Variants in ATP2B2 observed in about 807,000 individuals in gnomAD.
ATP2B2 encodes plasma membrane calcium-transporting ATPase 2.
ATP2B2 carries 15 observed loss-of-function variants against 120.0 expected under a neutral mutation model. The ratio of observed to expected loss-of-function variants is 0.12; its 90% CI spans 0.08 to 0.19. ATP2B2 has a LOEUF of 0.19. Ranked by LOEUF, ATP2B2 falls within the 10% of genes least tolerant of loss-of-function variation. The pLI is 1.00. For synonymous variants in ATP2B2, 694 were observed against 700.3 expected (o/e 0.99, Z 0.14); for missense variants, 1,045 against 1,719.8 (o/e 0.61, Z 6.94).
intron 2 of ATP2B2, among the ~76,000 whole-genome samples, chr3:10,560,806 G>T (rs770754938): frequency 2.0e-5 from 3 of 152,096 alleles, no homozygotes; most frequent in African/African-American, 4.8e-5. Flanking sequence ...CGGCCCTCCT[G>T]CAGTTAGATG....
chr3:10,605,938 C>A (rs75994816), intron 2 of ATP2B2, among the ~76,000 whole-genome samples: 1 of 152,016 alleles, frequency 6.6e-6, no homozygotes, highest in South Asian at 2.1e-4. Context: ...CGTGAGCCAC[C>A]ATGCCCAGCC....
At chr3:10,543,939 A>G (rs1051535692) in intron 2 of ATP2B2, among the ~76,000 whole-genome samples, 5 of 152,138 alleles carry the variant, frequency 3.3e-5, no homozygotes, top group Non-Finnish European at 7.4e-5. Flanking sequence ...GGGTTTCACC[A>G]CGTTGGCCAG....
chr3:10,504,907 C>G (rs1289404202), intron 1 of ATP2B2, among the ~76,000 whole-genome samples: 2 of 152,158 alleles, frequency 1.3e-5, no homozygotes. Context: ...CACCACATGA[C>G]CCGGCTGGCC....
At chr3:10,703,684 G>A (rs1187087063) in intron 1 of ATP2B2, among the ~76,000 whole-genome samples, 1 of 152,182 alleles carries the variant, frequency 6.6e-6, no homozygotes, top group Non-Finnish European at 1.5e-5. Flanking sequence ...TCTGTCAAAT[G>A]GGGATTGTAA....
intron 1 of ATP2B2, among the ~76,000 whole-genome samples, chr3:10,643,249 G>A (rs1277102654): frequency 2.6e-5 from 4 of 152,188 alleles, no homozygotes; most frequent in Non-Finnish European, 1.5e-5. Context: ...TCACATAGAA[G>A]AGTGGATGCA....
chr3:10,433,123 C>T lies in ATP2B2; in HGVS notation c.199+16222G>A, dbSNP rs142936298. 3.2e-4 allele frequency among the ~76,000 whole-genome samples: 48 copies of T among 152,366 alleles called. No individual in the cohort carries two copies. The East Asian group carries it at 8.9e-3, about 28-fold the overall frequency. Reference sequence around the variant, plus strand: ...TGTCTCCCCACCAGATGTGCTCCAGCTGCCTCTCTCAAGTGGACGGGAAAC... The same window carrying T: ...TGTCTCCCCACCAGATGTGCTCCAGTTGCCTCTCTCAAGTGGACGGGAAAC... On this transcript the variant is annotated intron_variant, in intron 2 of 22. Coordinates refer to ENST00000360273, the MANE Select transcript of ATP2B2 (RefSeq NM_001001331.4).
At position 10,603,281 on chromosome 3, in the gene ATP2B2, T is replaced by C. The variant is rs141219087; in HGVS notation, c.-415+16636A>G. On this transcript the variant is annotated intron_variant, in intron 2 of 21. Coordinates refer to the ATP2B2 transcript ENST00000646379. ...CTAAAATGCCTAGCACGGTGCCCGG[T>C]GTGTTTGGCAGATGCTCGATACACG... 5.7e-3 allele frequency among the ~76,000 whole-genome samples: 871 copies of C among 152,324 alleles called. 8 individuals carry two copies. The highest frequency in any genetic ancestry group is 0.02 in the African/African-American group (817 of 41,560).
At chr3:10,475,384 C>T (rs549295008) in intron 1 of ATP2B2, among the ~76,000 whole-genome samples, 2 of 152,214 alleles carry the variant, frequency 1.3e-5, no homozygotes, top group African/African-American at 4.8e-5. Context: ...TTACCACCTG[C>T]AGGCTCCTGC....
rs1169774997 is a variant in ATP2B2 at position 10,505,467 on chromosome 3, G to A, written c.-322C>T. The A allele has an allele frequency of 6.6e-6, 1 of 151,580 alleles. No homozygotes were observed. The highest frequency in any genetic ancestry group is 6.6e-5 in the Admixed American group (1 of 15,220). The allele number at this position is 151,580 out of a possible 1,614,324, so 9.4% of individuals were successfully genotyped here. On this transcript the variant is annotated splice_region_variant and 5_prime_UTR_variant, in exon 1 of 23. Coordinates refer to ENST00000360273, the MANE Select transcript of ATP2B2 (RefSeq NM_001001331.4). Reference sequence around the variant, plus strand: ...TGCTGGGGGATGCCGGTACTTACTTGGCTATGAAAATCACCACCAATCCTG... The same window carrying A: ...TGCTGGGGGATGCCGGTACTTACTTAGCTATGAAAATCACCACCAATCCTG...
At chr3:10,538,461 G>A (rs1353499364) in intron 2 of ATP2B2, among the ~76,000 whole-genome samples, 2 of 152,092 alleles carry the variant, frequency 1.3e-5, no homozygotes, top group Admixed American at 6.5e-5. Flanking sequence ...GATGAACATC[G>A]ATGCAAAAAC....
At position 10,449,501 on chromosome 3, in the gene ATP2B2, T is replaced by C. The variant is rs2125180555; in HGVS notation, c.43A>G (p.Arg15Gly). The C allele has an allele frequency of 6.2e-7, 1 of 1,614,262 alleles. No individual in the cohort carries two copies. The highest frequency in any genetic ancestry group is 2.2e-5 in the East Asian group (1 of 44,880). Residue 15 changes from arginine to glycine, a missense_variant, in exon 2 of 23, where the codon AGA (arginine) becomes GGA (glycine). Coordinates refer to ENST00000360273, the MANE Select transcript of ATP2B2 (RefSeq NM_001001331.4). The stretch of plus-strand genomic sequence containing the variant: ...TCGCCCCCATGGCTCGACTCATTTC[T>C]TTGGTTTTTGGAGTAAAAGTCGCTG... ...TNSDFYSKNQ[R>G]NESSHGGEFG...
chr3:10,478,361 G>T (rs1447092055), intron 1 of ATP2B2, among the ~76,000 whole-genome samples: 1 of 152,170 alleles, frequency 6.6e-6, no homozygotes, highest in East Asian at 1.9e-4. Context: ...ATGCATTAAA[G>T]TTTTTAACTT....
intron 1 of ATP2B2, among the ~76,000 whole-genome samples, chr3:10,469,170 G>T (rs1230355622): frequency 6.6e-6 from 1 of 152,180 alleles, no homozygotes; most frequent in Admixed American, 6.5e-5. Context: ...CTTGGCATGG[G>T]GCCTGCACAT....
chr3:10,425,516 T>C lies in ATP2B2; in HGVS notation c.200-14701A>G, dbSNP rs148861466. Among the ~76,000 whole-genome samples, 225 of 152,294 alleles carry C rather than the reference T, an allele frequency of 1.5e-3. 7 individuals carry two copies. In the South Asian group the frequency reaches 0.035, roughly 23 times the overall value. On this transcript the variant is annotated intron_variant, in intron 2 of 22. Coordinates refer to ENST00000360273, the MANE Select transcript of ATP2B2 (RefSeq NM_001001331.4). ...CCTGAGGGAGTCACTTCACCTCCTC[T>C]GTACCATAAGCTGTGGTTCCTAACC...
chr3:10,413,976 A>G (rs193205578), intron 2 of ATP2B2, among the ~76,000 whole-genome samples: 1 of 152,302 alleles, frequency 6.6e-6, no homozygotes, highest in East Asian at 1.9e-4. Flanking sequence ...TGGCCAGCCA[A>G]TTCCCTTCTC....
chr3:10,691,295 T>C (rs114117432), intron 1 of ATP2B2, among the ~76,000 whole-genome samples: 1,670 of 152,294 alleles, frequency 0.011, 25 homozygotes, highest in African/African-American at 0.038. Context: ...GATCATACCA[T>C]GAAGAAAGGT....
At chr3:10,613,981 C>T (rs1365127054) in intron 2 of ATP2B2, among the ~76,000 whole-genome samples, 1 of 152,112 alleles carries the variant, frequency 6.6e-6, no homozygotes, top group African/African-American at 2.4e-5. Context: ...GTCCCTTTCC[C>T]TGGAATGTTG....
intron 2 of ATP2B2, among the ~76,000 whole-genome samples, chr3:10,569,117 A>G (rs1374148734): frequency 6.6e-6 from 1 of 151,994 alleles, no homozygotes; most frequent in Non-Finnish European, 1.5e-5. Context: ...CTGAGCTCAC[A>G]CTCCAGGGAG....
intron 2 of ATP2B2, among the ~76,000 whole-genome samples, chr3:10,558,312 T>G (rs1009867210): frequency 6.6e-6 from 1 of 152,248 alleles, no homozygotes; most frequent in South Asian, 2.1e-4. Context: ...TAGTGACTGG[T>G]TCATGGAAGT....
Sources: allele counts gnomAD v4.1 joint callset (sites outside exome capture counted in the v4.1 genomes callset), GRCh38; gene constraint gnomAD v4.1.1; transcripts MANE v1.5; gene names NCBI Gene and HGNC (gene_info 2026-07-23, HGNC 2026-07-21).